SND1: variants seen among roughly 807,000 people sequenced by gnomAD.
The protein encoded by SND1 is staphylococcal nuclease domain-containing protein 1.
SND1 carries 38 observed loss-of-function variants against 121.7 expected under a neutral mutation model. That is an observed-to-expected ratio of 0.31 (90% CI 0.24 to 0.41). The LOEUF (loss-of-function observed/expected upper bound fraction) is 0.41. SND1 is among the 10% of genes least tolerant of loss of function. The pLI is 1.00. For missense variants in SND1, 868 were observed against 1,184.6 expected, an observed-to-expected ratio of 0.73 and a Z score of 3.92; for synonymous variants, 401 against 447.4, an observed-to-expected ratio of 0.90 and a Z score of 1.31.
intron 16 of SND1, among the ~76,000 whole-genome samples, chr7:128,008,951 T>G (rs1803049646): frequency 6.6e-6 from 1 of 152,020 alleles, no homozygotes. Context: ...TGTGGTAGAG[T>G]AGAGAAGGCA....
intron 12 of SND1, among the ~76,000 whole-genome samples, chr7:127,865,915 C>CTTT (rs57998727): frequency 1.4e-5 from 2 of 143,508 alleles, no homozygotes; most frequent in South Asian, 2.2e-4. Flanking sequence ...TTTATTTCTC[C>CTTT]TTTTTTTTTT....
At chr7:127,755,152 C>T (rs956887117) in intron 10 of SND1, among the ~76,000 whole-genome samples, 4 of 152,090 alleles carry the variant, frequency 2.6e-5, no homozygotes, top group African/African-American at 9.7e-5. Context: ...ATATCTACTT[C>T]CTGTTGCCCA....
At chr7:127,694,630 G>A (rs1267197341) in intron 2 of SND1, 198 bp from the exon 3 acceptor site, 1 of 557,054 alleles carries the variant, frequency 1.8e-6, no homozygotes, top group Non-Finnish European at 3.1e-6. Context: ...ACCAACTGCT[G>A]GACCCTCCTT....
rs1311389407 is a variant in SND1 at position 127,904,729 on chromosome 7, T to TC, written c.1455-17dup. Reference sequence around the variant, plus strand: ...TGTGATTCTTGTTTTAATCGGTTTTTCTCTTCTTCCTTAACAGAGCTATTA... The same window carrying TC: ...TGTGATTCTTGTTTTAATCGGTTTTTCCTCTTCTTCCTTAACAGAGCTATTA... On this transcript the variant is annotated splice_polypyrimidine_tract_variant and intron_variant, in intron 13 of 23. Coordinates refer to ENST00000354725, the MANE Select transcript of SND1 (RefSeq NM_014390.4). The TC allele has an allele frequency of 1.3e-6, 2 of 1,576,526 alleles. No individual in the cohort carries two copies. The highest frequency in any genetic ancestry group is 1.3e-5 in the African/African-American group (1 of 74,150).
At chr7:127,752,896 G>A (rs745713251) in intron 10 of SND1, among the ~76,000 whole-genome samples, 1 of 152,142 alleles carries the variant, frequency 6.6e-6, no homozygotes, top group Admixed American at 6.5e-5. Context: ...ACTGACCCCT[G>A]GTATAATGCT....
At chr7:128,082,154 G>A (rs1055593126) in intron 18 of SND1, among the ~76,000 whole-genome samples, 1 of 152,202 alleles carries the variant, frequency 6.6e-6, no homozygotes, top group African/African-American at 2.4e-5. Flanking sequence ...GAGAGCTCTG[G>A]CAGCCGCTAG....
intron 16 of SND1, among the ~76,000 whole-genome samples, chr7:128,025,526 C>T (rs1312950277): frequency 6.6e-6 from 1 of 152,122 alleles, no homozygotes; most frequent in Non-Finnish European, 1.5e-5. Context: ...ATAACTACCC[C>T]CTAAAGAGCT....
chr7:128,017,782 G>T (rs947219034), intron 16 of SND1, among the ~76,000 whole-genome samples: 2 of 152,254 alleles, frequency 1.3e-5, no homozygotes, highest in Admixed American at 6.5e-5. Flanking sequence ...ACCTTGGCAG[G>T]TAACAGGTTC....
rs1220255937 is a variant in SND1, at chr7:128,092,047, T to A, written c.2722T>A (p.Tyr908Asn). ...AGCTGATGATGCAGACGAATTTGGC[T>A]ACAGCCGCTAAGGAGGGGATCGGGT... Reference protein sequence around the residue: ...FRADDADEFGYSR With the variant: ...FRADDADEFGNSR The change falls in exon 24 of 24, where the codon TAC becomes AAC. Residue 908 changes from tyrosine to asparagine, a missense_variant. By Grantham distance (143) the Tyr-to-Asn change is moderately radical (BLOSUM62 -2). Around this residue, in one of 2 missense-constraint regions of SND1, gnomAD observed 743 missense variants for 1,071.3 expected, o/e 0.69. Coordinates refer to ENST00000354725, the MANE Select transcript of SND1 (RefSeq NM_014390.4). The surrounding 1 kb of genome is among the most constrained non-coding windows in gnomAD (Gnocchi z 4.9). The A allele has an allele frequency of 6.2e-7, 1 of 1,614,016 alleles. No individual in the cohort carries two copies. The highest frequency in any genetic ancestry group is 8.5e-7 in the Non-Finnish European group (1 of 1,179,902).
At chr7:128,062,044 T>G (rs1401937394) in intron 16 of SND1, among the ~76,000 whole-genome samples, 2 of 152,274 alleles carry the variant, frequency 1.3e-5, no homozygotes, top group African/African-American at 4.8e-5. Context: ...TCCCCCACAG[T>G]GTCCAGATCT....
intron 10 of SND1, among the ~76,000 whole-genome samples, chr7:127,799,468 C>T (rs1251431684): frequency 6.6e-6 from 1 of 152,062 alleles, no homozygotes; most frequent in Non-Finnish European, 1.5e-5. Context: ...GCTAATAGGG[C>T]CTTAAAGATG....
chr7:128,023,661 C>T (rs961836170), intron 16 of SND1, among the ~76,000 whole-genome samples: 1 of 152,162 alleles, frequency 6.6e-6, no homozygotes, highest in South Asian at 2.1e-4. Context: ...ATACTATTGT[C>T]TCTGACTTCT....
chr7:127,703,229 A>G lies in SND1; in HGVS notation c.746A>G (p.Lys249Arg), dbSNP rs140863632. The G allele has an allele frequency of 7.2e-5, 117 of 1,613,974 alleles. No homozygotes were observed. Among genetic ancestry groups the G allele is most frequent in the Non-Finnish European group, 9.0e-5 (106 of 1,179,998 alleles). ...CCAGAGCCTTTTGCTGCAGAAGCCAAATTTTTCACTGAGTCGCGACTGCTT... is the reference window on the plus strand; with the variant it reads ...CCAGAGCCTTTTGCTGCAGAAGCCAGATTTTTCACTGAGTCGCGACTGCTT... ...ETPEPFAAEA[K>R]FFTESRLLQR... Residue 249 changes from lysine to arginine, a missense_variant, in exon 7 of 24, where the codon AAA (lysine) becomes AGA (arginine). Coordinates refer to ENST00000354725, the MANE Select transcript of SND1 (RefSeq NM_014390.4).
At chr7:127,669,677 T>C (rs1369389837) in intron 1 of SND1, among the ~76,000 whole-genome samples, 1 of 152,194 alleles carries the variant, frequency 6.6e-6, no homozygotes, top group Non-Finnish European at 1.5e-5. Flanking sequence ...CAAAAATACA[T>C]CTGAATGCCT....
intron 15 of SND1, among the ~76,000 whole-genome samples, chr7:127,981,065 T>C (rs1446966552): frequency 6.6e-6 from 1 of 152,332 alleles, no homozygotes; most frequent in African/African-American, 2.4e-5. Context: ...CAACTCCTCC[T>C]CCTTGCTCAG....
intron 15 of SND1, among the ~76,000 whole-genome samples, chr7:127,985,289 C>T (rs532144224): frequency 1.1e-4 from 16 of 152,324 alleles, no homozygotes; most frequent in African/African-American, 2.6e-4. Context: ...GCCATACATG[C>T]ACTTCTAGCC....
intron 12 of SND1, among the ~76,000 whole-genome samples, chr7:127,865,776 T>C (rs1256463493): frequency 2.0e-5 from 3 of 151,138 alleles, no homozygotes; most frequent in Admixed American, 6.6e-5. Flanking sequence ...AGCTAATTTA[T>C]TTATCTTTTT....
intron 15 of SND1, among the ~76,000 whole-genome samples, chr7:127,939,676 C>G (rs1271870905): frequency 1.3e-5 from 2 of 152,154 alleles, no homozygotes; most frequent in Non-Finnish European, 2.9e-5. Flanking sequence ...CTAGTGGTGT[C>G]ATCGCCTTCT....
chr7:127,691,762 G>T (rs1165675427), intron 2 of SND1, among the ~76,000 whole-genome samples: 1 of 149,276 alleles, frequency 6.7e-6, no homozygotes, highest in Admixed American at 6.7e-5. Flanking sequence ...GCAGGCGTGC[G>T]CCAACATGCC....
Sources: gnomAD v4.1 joint callset for allele counts (sites outside exome capture counted in the v4.1 genomes callset) on GRCh38, gnomAD v4.1.1 for gene constraint, gnomAD v4.1.1 regional missense constraint, Gnocchi (gnomAD v3.1) non-coding constraint, MANE v1.5 for transcripts, NCBI Gene and HGNC (gene_info 2026-07-23, HGNC 2026-07-21) for gene names.